TMPRSS11D: variants seen among roughly 807,000 people sequenced by gnomAD.
TMPRSS11D encodes the protein transmembrane serine protease 11D, also known as transmembrane protease serine 11D.
A neutral mutation model predicts 44.4 loss-of-function variants in TMPRSS11D; 32 were observed. The ratio of observed to expected loss-of-function variants is 0.72; its 90% CI spans 0.54 to 0.97. The LOEUF (loss-of-function observed/expected upper bound fraction) is 0.97. Among genes scored for constraint, TMPRSS11D ranks in the 50% least tolerant of loss-of-function variants. TMPRSS11D has a pLI of 0.00. For synonymous variants in TMPRSS11D, 179 were observed against 177.9 expected (o/e 1.01, Z -0.05); for missense variants, 446 against 502.6 (o/e 0.89, Z 1.08).
At chr4:67,837,697 G>T (rs921741890) in intron 5 of TMPRSS11D, among the ~76,000 whole-genome samples, 1 of 152,110 alleles carries the variant, frequency 6.6e-6, no homozygotes, top group South Asian at 2.1e-4. Flanking sequence ...GATGAAGAAG[G>T]TTGACTGGTT....
In TMPRSS11D at chr4:67,867,970, T is replaced by C. The variant is rs184633546; in HGVS notation, c.9-8292A>G. On this transcript the variant is annotated intron_variant, in intron 1 of 9. Coordinates refer to ENST00000283916, the MANE Select transcript of TMPRSS11D (RefSeq NM_004262.3). ...GATCCAGCAATCCAACTATTGGGTA[T>C]CTACCCAAAGGAAAAGAAATTATAT... is the stretch of plus-strand genomic sequence containing the variant. Among the ~76,000 whole-genome samples the C allele has an allele frequency of 2.5e-3, 387 of 152,236 alleles. 5 individuals carry two copies. Among genetic ancestry groups the C allele is most frequent in the Non-Finnish European group, 1.6e-3 (111 of 67,994 alleles).
At chr4:67,827,158 G>T in intron 8 of TMPRSS11D, 103 bp downstream of exon 8, 1 of 1,434,644 alleles carries the variant, frequency 7.0e-7, no homozygotes, top group East Asian at 2.3e-5. Context: ...TCTGTCTGTA[G>T]AAGAATAGAA....
intron 4 of TMPRSS11D, 102 bp from the exon 5 acceptor site, chr4:67,838,431 G>T: frequency 8.6e-7 from 1 of 1,156,408 alleles, no homozygotes; most frequent in Non-Finnish European, 1.2e-6. Context: ...GAATTCATTT[G>T]TGGAATTTAA....
intron 1 of TMPRSS11D, among the ~76,000 whole-genome samples, chr4:67,873,574 A>C (rs1202915156): frequency 1.3e-5 from 2 of 152,158 alleles, no homozygotes; most frequent in African/African-American, 2.4e-5. Context: ...AAGAAAGATG[A>C]CATTTCAGCA....
At chr4:67,852,725 T>C (rs1407854045) in intron 3 of TMPRSS11D, among the ~76,000 whole-genome samples, 2 of 152,264 alleles carry the variant, frequency 1.3e-5, no homozygotes, top group Admixed American at 6.5e-5. Context: ...AGGAACCAGA[T>C]GTAGGGTTAA....
At chr4:67,825,674 T>C in intron 9 of TMPRSS11D, 58 bp downstream of exon 9, 1 of 1,565,488 alleles carries the variant, frequency 6.4e-7, no homozygotes, top group Non-Finnish European at 8.7e-7. Flanking sequence ...TATCACATAC[T>C]AGGAAGTGCT....
At chr4:67,878,621 A>G (rs559443712) in intron 1 of TMPRSS11D, among the ~76,000 whole-genome samples, 4 of 152,314 alleles carry the variant, frequency 2.6e-5, no homozygotes, top group African/African-American at 9.6e-5. Flanking sequence ...ATGAATGAAT[A>G]AAGTATAATA....
intron 2 of TMPRSS11D, among the ~76,000 whole-genome samples, chr4:67,855,120 T>C (rs879404714): frequency 2.0e-5 from 3 of 151,992 alleles, no homozygotes; most frequent in Non-Finnish European, 4.4e-5. Context: ...CCAGGTGTGG[T>C]GGCAGGCGCC....
At position 67,842,568 on chromosome 4, in the gene TMPRSS11D, C is replaced by T. The variant is rs1303663224; in HGVS notation, c.307G>A (p.Ala103Thr). The change falls in exon 4 of 10, where the codon GCC (alanine) becomes ACC (threonine). Residue 103 changes from alanine (A) to threonine (T), a missense_variant. Ala to Thr is a moderately conservative substitution (Grantham distance 58). Transcript: ENST00000283916. ...TACAGTTCCACTCACCTCAGTTTGG[C>T]AACATGAGCTCTGATGAACTGATTT... ...LRNQFIRAHVAKLRQDGSGVR... is the reference protein window; with the variant it reads ...LRNQFIRAHVTKLRQDGSGVR... 4.3e-6 allele frequency: 7 copies of T among 1,611,412 alleles called. No individual in the cohort carries two copies. Among genetic ancestry groups the T allele is most frequent in the Non-Finnish European group, 5.9e-6 (7 of 1,179,308 alleles).
rs145354768 is a variant in TMPRSS11D at position 67,880,126 on chromosome 4, C to T, written c.8+3800G>A. Among the ~76,000 whole-genome samples, 337 of 152,192 alleles carry T rather than the reference C, an allele frequency of 2.2e-3. 2 individuals are homozygous for T. Among genetic ancestry groups the T allele is most frequent in the African/African-American group, 7.4e-3 (309 of 41,524 alleles). On this transcript the variant is annotated intron_variant, in intron 1 of 9. Transcript: ENST00000283916. ...TGAAAGAAATTAAGATACCATGCCA[C>T]GTAACAGTTACATTGTGAAAGGTGG... is the stretch of plus-strand genomic sequence containing the variant.
intron 1 of TMPRSS11D, among the ~76,000 whole-genome samples, chr4:67,883,252 C>T (rs1719364791): frequency 6.6e-6 from 1 of 151,968 alleles, no homozygotes; most frequent in Admixed American, 6.6e-5. Flanking sequence ...TAAGTGCACA[C>T]ATAAACATAC....
At chr4:67,828,035 G>GGTGTGT (rs71641425) in intron 7 of TMPRSS11D, among the ~76,000 whole-genome samples, 4 of 137,656 alleles carry the variant, frequency 2.9e-5, no homozygotes, top group African/African-American at 1.0e-4. Flanking sequence ...TGAAGATTTT[G>GGTGTGT]GTGTGTGTGT....
chr4:67,860,093 T>C (rs1419297966), intron 1 of TMPRSS11D, among the ~76,000 whole-genome samples: 2 of 152,038 alleles, frequency 1.3e-5, no homozygotes, highest in Middle Eastern at 3.4e-3. Context: ...TGAAGAGAGA[T>C]CATTTGGGTG....
chr4:67,841,086 G>A (rs1270635673), intron 4 of TMPRSS11D, among the ~76,000 whole-genome samples: 2 of 152,134 alleles, frequency 1.3e-5, no homozygotes, highest in African/African-American at 2.4e-5. Context: ...AAAAAATAAA[G>A]AAGCAGTCAT....
chr4:67,868,889 T>C (rs1400559831), intron 1 of TMPRSS11D, among the ~76,000 whole-genome samples: 2 of 152,114 alleles, frequency 1.3e-5, no homozygotes, highest in African/African-American at 2.4e-5. Context: ...CTAAGGGCCA[T>C]GTAGGGGCTA....
At chr4:67,852,768 T>C (rs1872581) in intron 3 of TMPRSS11D, among the ~76,000 whole-genome samples, 48,882 of 152,062 alleles carry the variant, frequency 0.32, 8,757 homozygotes, top group East Asian at 0.53. Flanking sequence ...ATGTCAGAAG[T>C]GGGAGACTCC....
rs532939636 is a variant in TMPRSS11D at position 67,828,035 on chromosome 4, G to GGTAT, written c.693-516_693-515insATAC. 1.0e-2 allele frequency among the ~76,000 whole-genome samples: 1,375 copies of GGTAT among 137,618 alleles called. 18 individuals carry two copies. Among genetic ancestry groups the GGTAT allele is most frequent in the African/African-American group, 0.03 (1,141 of 38,282 alleles). 90.3% of individuals were successfully genotyped at this position (137,618 alleles called of 152,430 possible). On this transcript the variant is annotated intron_variant, in intron 7 of 9. Coordinates refer to ENST00000283916, the MANE Select transcript of TMPRSS11D (RefSeq NM_004262.3). ...AAGTCTGATAATGGTTGAAGATTTTGGTGTGTGTGTGTGTGTGTGTGTGCA... is the reference window on the plus strand; with the variant it reads ...AAGTCTGATAATGGTTGAAGATTTTGGTATGTGTGTGTGTGTGTGTGTGTGTGCA...
chr4:67,842,715 G>C (rs1420194905), intron 3 of TMPRSS11D, 90 bp from the exon 4 acceptor site: 2 of 1,195,692 alleles, frequency 1.7e-6, no homozygotes, highest in Non-Finnish European at 2.4e-6. Flanking sequence ...ATGTTAATGA[G>C]GAGTAGAAAA....
rs950580101 is a variant in TMPRSS11D at position 67,821,094 on chromosome 4, A to G, written c.*1243T>C. On this transcript the variant is annotated 3_prime_UTR_variant, in exon 10 of 10. Transcript: ENST00000283916. ...AGGGAGTTAGCTTGTAGAAGGAGGA[A>G]GCTCTGACGCATAGATGATCATGCA... 1 of 152,252 alleles carries G rather than the reference A, an allele frequency of 6.6e-6. No individual in the cohort carries two copies. The highest frequency in any genetic ancestry group is 1.5e-5 in the Non-Finnish European group (1 of 68,064). 9.4% of individuals were successfully genotyped at this position (152,252 alleles called of 1,614,324 possible).
Sources: gnomAD v4.1 joint callset for allele counts (sites outside exome capture counted in the v4.1 genomes callset) on GRCh38, gnomAD v4.1.1 for gene constraint, MANE v1.5 for transcripts, NCBI Gene and HGNC (gene_info 2026-07-23, HGNC 2026-07-21) for gene names.